PCDHA10: variants seen among roughly 807,000 people sequenced by gnomAD.
PCDHA10 encodes protocadherin alpha-10.
PCDHA10 carries 45 observed loss-of-function variants against 61.2 expected under a neutral mutation model. The observed-to-expected ratio is 0.74, with a 90% CI of 0.58 to 0.94. The LOEUF (loss-of-function observed/expected upper bound fraction) is 0.94. Among genes scored for constraint, PCDHA10 ranks in the 40% least tolerant of loss-of-function variants. PCDHA10 has a pLI of 0.00. For missense variants in PCDHA10, 1,278 were observed against 1,236.2 expected (o/e 1.03, Z -0.51); for synonymous variants, 602 against 548.8 (o/e 1.10, Z -1.35).
rs1356609367 is a variant in PCDHA10, at chr5:140,856,672, G to A, written c.624G>A (p.Lys208=). 1.3e-6 allele frequency: 2 copies of A among 1,597,818 alleles called. No homozygotes were observed. The highest frequency in any genetic ancestry group is 4.5e-5 in the East Asian group (2 of 44,870). The stretch of plus-strand genomic sequence containing the variant: ...ATCGTGAAGAAAATCCTCAGCTAAA[G>A]TTGTTGTTGACAGCAACTGATGGAG... The part of the protein sequence containing the change: ...LLDREENPQL[K]LLLTATDGGK... The change falls in exon 1 of 4, where the codon AAG becomes AAA. Residue 208 remains lysine (K), a synonymous_variant. Transcript: ENST00000307360.
chr5:140,871,577 G>A, intron 1 of PCDHA10: 1 of 1,474,316 alleles, frequency 6.8e-7, no homozygotes, highest in Non-Finnish European at 9.0e-7. Flanking sequence ...ATTTTTTAAG[G>A]GAAAGTTTTA....
At chr5:140,943,112 G>A (rs1250060246) in intron 1 of PCDHA10, among the ~76,000 whole-genome samples, 1 of 151,850 alleles carries the variant, frequency 6.6e-6, no homozygotes, top group African/African-American at 2.4e-5. Flanking sequence ...ACAAAAATTA[G>A]CCAGGTGTGG....
Position 141,009,608 on chromosome 5 carries a change from G to A in PCDHA10, c.2537-19G>A, listed in dbSNP as rs1350951999. ...CATGTGTTGACCCTGTTAATGATTTGTAATGTTTTGTCTTTCAGAACCAGA... is the reference window on the plus strand; with the variant it reads ...CATGTGTTGACCCTGTTAATGATTTATAATGTTTTGTCTTTCAGAACCAGA... On this transcript the variant is annotated intron_variant, in intron 3 of 3. Coordinates refer to ENST00000307360, the MANE Select transcript of PCDHA10 (RefSeq NM_018901.4). The A allele has an allele frequency of 2.5e-6, 4 of 1,610,656 alleles. No individual in the cohort carries two copies. The highest frequency in any genetic ancestry group is 3.4e-6 in the Non-Finnish European group (4 of 1,177,936).
At chr5:140,903,770 C>T (rs1583503336) in intron 1 of PCDHA10, among the ~76,000 whole-genome samples, 1 of 152,136 alleles carries the variant, frequency 6.6e-6, no homozygotes, top group Non-Finnish European at 1.5e-5. Flanking sequence ...CTGAACTTTT[C>T]TATCCATAAA....
chr5:140,948,986 T>C (rs2094331337), intron 1 of PCDHA10, among the ~76,000 whole-genome samples: 1 of 151,752 alleles, frequency 6.6e-6, no homozygotes, highest in Non-Finnish European at 1.5e-5. Context: ...ACTGCTTTAT[T>C]TGCATTTTAC....
At chr5:140,881,425 G>A (rs2058709101) in intron 1 of PCDHA10, 2 of 901,294 alleles carry the variant, frequency 2.2e-6, no homozygotes, top group Non-Finnish European at 1.3e-6. Flanking sequence ...TTAGTTCCAG[G>A]CATATTTTAT....
At chr5:140,955,648 A>G (rs1554222007) in intron 1 of PCDHA10, among the ~76,000 whole-genome samples, 1 of 152,138 alleles carries the variant, frequency 6.6e-6, no homozygotes, top group East Asian at 1.9e-4. Flanking sequence ...ACAAATTAAT[A>G]CACATATGAA....
intron 1 of PCDHA10, among the ~76,000 whole-genome samples, chr5:140,961,519 A>G (rs246002): frequency 0.56 from 85,694 of 152,068 alleles, 24,757 homozygotes; most frequent in African/African-American, 0.69. Flanking sequence ...ATGTCTCCAC[A>G]AATTCTAGAT....
intron 1 of PCDHA10, chr5:140,868,179 A>G (rs1220525883): frequency 1.3e-5 from 2 of 152,152 alleles, no homozygotes; most frequent in African/African-American, 2.4e-5. Context: ...GATATCTCAT[A>G]TTATGCTACT....
In PCDHA10 at chr5:140,858,147, T is replaced by C; in HGVS notation, c.2099T>C (p.Ile700Thr). 1 of 1,597,630 alleles carries C rather than the reference T, an allele frequency of 6.3e-7. No individual in the cohort carries two copies. Among genetic ancestry groups the C allele is most frequent in the Non-Finnish European group, 8.6e-7 (1 of 1,167,468 alleles). The change falls in exon 1 of 4, where the codon ATC (isoleucine) becomes ACC (threonine). Residue 700 changes from isoleucine to threonine, a missense_variant. Transcript: ENST00000307360. ...ALVDVNVYLI[I>T]AICAVSSLLV... ...GTGGATGTCAACGTGTACCTGATCA[T>C]CGCCATCTGCGCGGTGTCCAGCTTG...
intron 2 of PCDHA10, among the ~76,000 whole-genome samples, chr5:140,979,327 C>T (rs1446940311): frequency 5.9e-5 from 9 of 152,078 alleles, no homozygotes; most frequent in African/African-American, 2.2e-4. Context: ...CTTTCTTTTC[C>T]TCCTTTAAAA....
chr5:140,858,711 A>T, intron 1 of PCDHA10: 1 of 537,382 alleles, frequency 1.9e-6, no homozygotes, highest in East Asian at 3.0e-5. Context: ...TATGTGATAT[A>T]GGTTGCAGTT....
intron 1 of PCDHA10, among the ~76,000 whole-genome samples, chr5:140,873,200 T>C (rs1462660228): frequency 6.6e-6 from 1 of 152,228 alleles, no homozygotes; most frequent in Non-Finnish European, 1.5e-5. Context: ...GCTAAAAACA[T>C]TCTTTAAGTA....
rs782371814 is a variant in PCDHA10 at position 140,882,829 on chromosome 5, G to A, written c.2388+24393G>A. On this transcript the variant is annotated intron_variant, in intron 1 of 3. Transcript: ENST00000307360. Reference sequence around the variant, plus strand: ...CTTTGGACGCACAAAACAGTCTTGAGCAAATGTCTTCATTATCACTTGTAC... The same window carrying A: ...CTTTGGACGCACAAAACAGTCTTGAACAAATGTCTTCATTATCACTTGTAC... The A allele has an allele frequency of 5.6e-6, 9 of 1,614,206 alleles. No homozygotes were observed. The South Asian group carries it at 8.8e-5, about 16-fold the overall frequency.
intron 1 of PCDHA10, among the ~76,000 whole-genome samples, chr5:140,933,701 A>G (rs1204346571): frequency 6.6e-6 from 1 of 151,814 alleles, no homozygotes; most frequent in East Asian, 1.9e-4. Flanking sequence ...CCTCGGACAC[A>G]TTTACTGAGA....
Position 140,967,580 on chromosome 5 carries a change from C to T in PCDHA10, c.2389-11369C>T, listed in dbSNP as rs201304400. 42 of 1,614,122 alleles carry T rather than the reference C, an allele frequency of 2.6e-5. No homozygotes were observed. The East Asian group carries it at 4.7e-4, about 18-fold the overall frequency. ...CGTCCAGCTACGGGAGGACTCACCC[C>T]CAGGCACATTGGTGGTGAAGCTGAA... On this transcript the variant is annotated intron_variant, in intron 1 of 3. Transcript: ENST00000307360.
At chr5:141,006,299 C>T (rs2098266808) in intron 3 of PCDHA10, among the ~76,000 whole-genome samples, 1 of 152,064 alleles carries the variant, frequency 6.6e-6, no homozygotes, top group Non-Finnish European at 1.5e-5. Flanking sequence ...GCAAGCTCCA[C>T]TTCCCGGGTT....
intron 1 of PCDHA10, among the ~76,000 whole-genome samples, chr5:140,915,973 T>G (rs1472373994): frequency 3.9e-5 from 6 of 152,150 alleles, no homozygotes; most frequent in African/African-American, 1.4e-4. Context: ...TGATATTTTA[T>G]TTGACTACGG....
At chr5:140,935,570 T>C (rs2090442737) in intron 1 of PCDHA10, among the ~76,000 whole-genome samples, 1 of 152,236 alleles carries the variant, frequency 6.6e-6, no homozygotes, top group South Asian at 2.1e-4. Context: ...TTCCTCTCTG[T>C]GTAGTTAAGC....
Sources: gnomAD v4.1 joint callset for allele counts (sites outside exome capture counted in the v4.1 genomes callset) on GRCh38, gnomAD v4.1.1 for gene constraint, MANE v1.5 for transcripts, NCBI Gene and HGNC (gene_info 2026-07-23, HGNC 2026-07-21) for gene names.